The following PKD1L1 variants were observed in gnomAD, a reference collection of about 807,000 sequenced individuals.
PKD1L1 encodes polycystin-1-like protein 1.
In PKD1L1, 236 loss-of-function variants were observed where a neutral mutation model predicts 323.4. The ratio of observed to expected loss-of-function variants is 0.73; its 90% CI spans 0.66 to 0.81. PKD1L1 has a LOEUF of 0.81. Ranked by LOEUF, PKD1L1 falls within the 40% of genes least tolerant of loss-of-function variation. The pLI is 0.00. For missense variants in PKD1L1, 3,320 were observed against 3,508.0 expected (o/e 0.95, Z 1.35); for synonymous variants, 1,344 against 1,335.0 (o/e 1.01, Z -0.15).
chr7:47,778,179 A>G (rs1786611952), intron 56 of PKD1L1, among the ~76,000 whole-genome samples: 1 of 152,212 alleles, frequency 6.6e-6, no homozygotes, highest in African/African-American at 2.4e-5. Context: ...AAGCCACATC[A>G]TGGGAGGACG....
intron 14 of PKD1L1, among the ~76,000 whole-genome samples, chr7:47,896,063 G>A (rs1044978170): frequency 2.6e-5 from 4 of 152,174 alleles, no homozygotes; most frequent in East Asian, 1.9e-4. Context: ...CTGGCCAGGC[G>A]TGATGGCTCA....
chr7:47,928,410 A>G (rs1787695012), intron 7 of PKD1L1, among the ~76,000 whole-genome samples: 1 of 152,074 alleles, frequency 6.6e-6, no homozygotes, highest in Admixed American at 6.6e-5. Context: ...GTCTACTAAA[A>G]ATACAAAAAA....
chr7:47,880,284 A>ATTTTTTTTTTTTTTTT lies in PKD1L1; in HGVS notation c.3520+428_3520+443dup, dbSNP rs35198089. On this transcript the variant is annotated intron_variant, in intron 21 of 56. Transcript: ENST00000289672. ...TATATACATATATATATATATATAT[A>ATTTTTTTTTTTTTTTT]TTTTTTTTTTTTTTTTTGAGACAGT... is the stretch of plus-strand genomic sequence containing the variant. Among the ~76,000 whole-genome samples the ATTTTTTTTTTTTTTTT allele has an allele frequency of 4.1e-4, 23 of 56,774 alleles. 2 individuals carry two copies. Among genetic ancestry groups the ATTTTTTTTTTTTTTTT allele is most frequent in the Non-Finnish European group, 4.5e-4 (16 of 35,190 alleles). The allele number at this position is 56,774 out of a possible 152,430, so 37.2% of individuals were successfully genotyped here.
upstream of PKD1L1, among the ~76,000 whole-genome samples, chr7:47,950,585 C>T (rs978109102): frequency 2.0e-5 from 3 of 152,108 alleles, no homozygotes; most frequent in Admixed American, 6.5e-5. Context: ...TGATGCACGC[C>T]TGTAATCCCA....
At chr7:47,790,521 CAGGG>C (rs1786917999) in intron 56 of PKD1L1, among the ~76,000 whole-genome samples, 1 of 151,494 alleles carries the variant, frequency 6.6e-6, no homozygotes, top group Non-Finnish European at 1.5e-5. Context: ...TTAGTAGAGA[CAGGG>C]TTTCACTGTG....
intron 24 of PKD1L1, among the ~76,000 whole-genome samples, chr7:47,871,304 C>T (rs1366786788): frequency 6.6e-6 from 1 of 152,092 alleles, no homozygotes; most frequent in Non-Finnish European, 1.5e-5. Flanking sequence ...ATATAAAGAA[C>T]AGAAATTTAT....
chr7:47,808,864 C>T (rs76451669), intron 51 of PKD1L1, among the ~76,000 whole-genome samples: 3,292 of 152,234 alleles, frequency 0.022, 52 homozygotes, highest in Non-Finnish European at 0.032. Flanking sequence ...CATTACTGTA[C>T]GCTAATGTAG....
At chr7:47,852,225 T>C (rs894698850) in intron 31 of PKD1L1, among the ~76,000 whole-genome samples, 1 of 152,044 alleles carries the variant, frequency 6.6e-6, no homozygotes, top group African/African-American at 2.4e-5. Context: ...AATCAACAAA[T>C]GGTGAATCTC....
Position 47,829,573 on chromosome 7 carries a change from C to T in PKD1L1, c.6587G>A (p.Trp2196Ter), listed in dbSNP as rs769346811. Residue 2196 changes from tryptophan to a stop codon, truncating the protein, a stop_gained, in exon 44 of 57, where the codon TGG becomes TAG. Transcript: ENST00000289672. LOFTEE classifies it high-confidence loss of function. The part of the protein sequence containing the change: ...MVCLMALGFA[W>*]KRRADNHFFT... ...AAAGTGGTTGTCAGCTCTTCTTTTCCAAGCAAAACCCAAGGCCATGAGGCA... is the reference window on the plus strand; with the variant it reads ...AAAGTGGTTGTCAGCTCTTCTTTTCTAAGCAAAACCCAAGGCCATGAGGCA... The T allele has an allele frequency of 2.5e-6, 4 of 1,612,816 alleles. No individual in the cohort carries two copies. The Admixed American group carries it at 6.7e-5, about 27-fold the overall frequency.
chr7:47,904,926 G>A (rs1262911721), intron 11 of PKD1L1, among the ~76,000 whole-genome samples: 2 of 152,206 alleles, frequency 1.3e-5, no homozygotes, highest in East Asian at 3.9e-4. Context: ...TCGAACCTAG[G>A]ACTGTCTGCT....
intron 16 of PKD1L1, among the ~76,000 whole-genome samples, chr7:47,888,731 G>C (rs1301453392): frequency 2.6e-5 from 4 of 152,200 alleles, no homozygotes; most frequent in Non-Finnish European, 4.4e-5. Flanking sequence ...CATGCCCACA[G>C]CCCGGCGCCC....
rs547649895 is a variant in PKD1L1 at position 47,946,261 on chromosome 7, T to A, written c.44+2136A>T. Reference sequence around the variant, plus strand: ...CCATTTGTTTGAATTACATGACAGATCTCTTAGAATCCCTTAAGAGTGAGT... The same window carrying A: ...CCATTTGTTTGAATTACATGACAGAACTCTTAGAATCCCTTAAGAGTGAGT... On this transcript the variant is annotated intron_variant, in intron 1 of 56. Transcript: ENST00000289672. The surrounding 1 kb of genome is among the most constrained non-coding windows in gnomAD (Gnocchi z 4.1). 2.8e-4 allele frequency among the ~76,000 whole-genome samples: 42 copies of A among 152,132 alleles called. No homozygotes were observed. The highest frequency in any genetic ancestry group is 9.4e-4 in the African/African-American group (39 of 41,490).
At chr7:47,867,155 T>G (rs1004998211) in intron 24 of PKD1L1, among the ~76,000 whole-genome samples, 1 of 152,148 alleles carries the variant, frequency 6.6e-6, no homozygotes, top group African/African-American at 2.4e-5. Context: ...ATGTATAAAA[T>G]AGAAATTTTC....
rs979140504 is a variant in PKD1L1, at chr7:47,776,977, C to T, written c.8527-1811G>A. On this transcript the variant is annotated intron_variant, in intron 56 of 56. Coordinates refer to ENST00000289672, the MANE Select transcript of PKD1L1 (RefSeq NM_138295.5). Reference sequence around the variant, plus strand: ...TGCAATCTTGGGTCACTGCAACATCCGCCTCCCAGGTTCAATCAATTCTCC... The same window carrying T: ...TGCAATCTTGGGTCACTGCAACATCTGCCTCCCAGGTTCAATCAATTCTCC... Among the ~76,000 whole-genome samples the T allele has an allele frequency of 1.2e-4, 19 of 152,146 alleles. No individual in the cohort carries two copies. In the East Asian group the frequency reaches 2.5e-3, roughly 20 times the overall value.
At chr7:47,852,056 G>A (rs1224783925) in intron 31 of PKD1L1, among the ~76,000 whole-genome samples, 1 of 152,144 alleles carries the variant, frequency 6.6e-6, no homozygotes, top group African/African-American at 2.4e-5. Context: ...ACTGAGTTTT[G>A]TAGGGAATGC....
intron 54 of PKD1L1, among the ~76,000 whole-genome samples, chr7:47,798,347 G>A (rs753084619): frequency 2.0e-5 from 3 of 152,170 alleles, no homozygotes; most frequent in Non-Finnish European, 4.4e-5. Flanking sequence ...AATTGTGCTG[G>A]AAAAATTGGA....
At chr7:47,850,738 A>G (rs1253746117) in intron 31 of PKD1L1, among the ~76,000 whole-genome samples, 1 of 152,204 alleles carries the variant, frequency 6.6e-6, no homozygotes, top group Non-Finnish European at 1.5e-5. Context: ...CCACAGAGAA[A>G]ATAATTAATT....
intron 7 of PKD1L1, among the ~76,000 whole-genome samples, chr7:47,917,308 C>A (rs558450764): frequency 6.6e-6 from 1 of 152,150 alleles, no homozygotes; most frequent in East Asian, 1.9e-4. Context: ...AAGAACAAAG[C>A]CTCCAAGAAG....
intron 30 of PKD1L1, 82 bp downstream of exon 30, chr7:47,854,800 T>C (rs1418470053): frequency 2.0e-6 from 3 of 1,472,372 alleles, no homozygotes; most frequent in Admixed American, 4.1e-5. Context: ...CACAATTTAA[T>C]TCACTGATTT....
Sources: allele counts gnomAD v4.1 joint callset (sites outside exome capture counted in the v4.1 genomes callset), GRCh38; gene constraint gnomAD v4.1.1; non-coding constraint Gnocchi (gnomAD v3.1); transcripts MANE v1.5; gene names NCBI Gene and HGNC (gene_info 2026-07-23, HGNC 2026-07-21).